Variants in INTS6L observed in about 807,000 individuals in gnomAD.
The protein encoded by INTS6L is integrator complex subunit 6-like.
A neutral mutation model predicts 64.7 loss-of-function variants in INTS6L; 18 were observed. The observed-to-expected ratio is 0.28, with a 90% confidence interval of 0.19 to 0.41. The LOEUF (loss-of-function observed/expected upper bound fraction) is 0.41, where lower values mean the gene tolerates loss of function less well. INTS6L is among the 10% of genes least tolerant of loss of function. The pLI, the probability that INTS6L is intolerant of heterozygous loss-of-function variation, is 1.00. For synonymous variants in INTS6L, 227 were observed against 235.9 expected, an observed-to-expected ratio of 0.96 and a Z score of 0.34; for missense variants, 533 against 661.0, an observed-to-expected ratio of 0.81 and a Z score of 2.12.
chrX:135,581,003 C>A, intron 16 of INTS6L, 47 bp from the exon 17 acceptor site: 2 of 891,666 alleles, frequency 2.2e-6, no homozygotes, highest in Non-Finnish European at 3.0e-6. Context: ...AATTTTATTT[C>A]CCATTCATCT....
chrX:135,531,557 A>G (rs1347095992), intron 2 of INTS6L, among the ~76,000 whole-genome samples: 1 of 111,691 alleles, frequency 9.0e-6, no homozygotes, highest in African/African-American at 3.3e-5. Flanking sequence ...CTTTGACTCA[A>G]TTTCTGTTGC....
intron 7 of INTS6L, among the ~76,000 whole-genome samples, chrX:135,550,602 A>G (rs1251043750): frequency 9.0e-6 from 1 of 111,497 alleles, no homozygotes; most frequent in Non-Finnish European, 1.9e-5. Flanking sequence ...TCTATTTAAC[A>G]TCTTCCTAGT....
At chrX:135,551,900 A>G in intron 7 of INTS6L, 94 bp from the exon 8 acceptor site, 9 of 842,141 alleles carry the variant, frequency 1.1e-5, no homozygotes, top group African/African-American at 6.2e-5. Context: ...TGAAAATGTA[A>G]CAAAATATAA....
intron 8 of INTS6L, among the ~76,000 whole-genome samples, chrX:135,555,017 G>A (rs782559313): frequency 5.7e-5 from 6 of 104,933 alleles, no homozygotes; most frequent in Admixed American, 5.4e-4. Flanking sequence ...AGCCTCTTGA[G>A]TAGCTGGGAT....
chrX:135,540,316 C>G (rs781997886), intron 2 of INTS6L, among the ~76,000 whole-genome samples: 154 of 111,775 alleles, frequency 1.4e-3, no homozygotes, highest in African/African-American at 4.8e-3. Context: ...AGTAACAGCA[C>G]CTACCCAGAG....
At chrX:135,577,808 G>GA (rs1556531939) in intron 15 of INTS6L, among the ~76,000 whole-genome samples, 1 of 111,995 alleles carries the variant, frequency 8.9e-6, no homozygotes, top group Non-Finnish European at 1.9e-5. Flanking sequence ...CTGGCAGTAG[G>GA]AGCAAGTGGA....
intron 8 of INTS6L, among the ~76,000 whole-genome samples, chrX:135,554,883 C>CTTTTTTTTTTTTTTTTT (rs35845600): frequency 2.0e-5 from 1 of 50,472 alleles, no homozygotes. Flanking sequence ...ACCAGCATAA[C>CTTTTTTTTTTTTTTTTT]TTTTTTTTTT....
rs781907066 is a variant in INTS6L, at chrX:135,570,551, T to A, written c.1398+5T>A. 8.7e-7 allele frequency: 1 copy of A among 1,151,593 alleles called. No individual in the cohort carries two copies. The highest frequency in any genetic ancestry group is 1.8e-5 in the African/African-American group (1 of 55,777). The allele number at this position is 1,151,593 out of a possible 1,213,427, so 94.9% of individuals were successfully genotyped here. On this transcript the variant is annotated splice_donor_5th_base_variant and intron_variant, in intron 11 of 17. Transcript: ENST00000639893. Reference sequence around the variant, plus strand: ...CTTAAAAAACTCAGCCAACAGGTAGTATTGGTAAAAACAAACAAACAAAAA... The same window carrying A: ...CTTAAAAAACTCAGCCAACAGGTAGAATTGGTAAAAACAAACAAACAAAAA...
At chrX:135,577,499 T>C in intron 15 of INTS6L, 72 bp downstream of exon 15, 1 of 998,615 alleles carries the variant, frequency 1.0e-6, no homozygotes, top group Non-Finnish European at 1.4e-6. Context: ...TATTTCCCTT[T>C]TTGTGTTCCT....
intron 12 of INTS6L, 108 bp downstream of exon 12, chrX:135,573,141 G>A: frequency 1.5e-6 from 1 of 688,985 alleles, no homozygotes; most frequent in Non-Finnish European, 2.2e-6. Context: ...TTTGGAGTTA[G>A]TAGTTAATAA....
intron 12 of INTS6L, 141 bp downstream of exon 12, chrX:135,573,174 G>A: frequency 2.0e-6 from 1 of 511,235 alleles, no homozygotes; most frequent in South Asian, 3.5e-5. Flanking sequence ...GGAATTGTCA[G>A]CAGATATCAA....
In INTS6L at chrX:135,581,538, C is replaced by T; in HGVS notation, c.2599C>T (p.Arg867Ter). The part of the protein sequence containing the change: ...TIKEAARFKR[R>*]VLIQYLEKVL... ...TCTCTTTATTTTCAGGTTTAAAAGA[C>T]GAGTCCTAATTCAGTACCTTGAGAA... Residue 867 changes from arginine to a stop codon, truncating the protein, a stop_gained, in exon 18 of 18, where the codon CGA (arginine) becomes TGA (stop). Transcript: ENST00000639893. LOFTEE classifies it high-confidence loss of function. The T allele has an allele frequency of 8.3e-7, 1 of 1,198,079 alleles. No individual in the cohort carries two copies. The highest frequency in any genetic ancestry group is 1.1e-6 in the Non-Finnish European group (1 of 888,130).
intron 9 of INTS6L, among the ~76,000 whole-genome samples, chrX:135,566,950 G>A (rs782522635): frequency 1.8e-5 from 2 of 112,174 alleles, no homozygotes; most frequent in East Asian, 2.8e-4. Context: ...GAGAATAGAA[G>A]CAGGATACTT....
At chrX:135,575,041 G>A (rs1456175808) in intron 13 of INTS6L, 43 bp from the exon 14 acceptor site, 42 of 1,195,902 alleles carry the variant, frequency 3.5e-5, no homozygotes, top group Non-Finnish European at 4.6e-5. Flanking sequence ...AGGACCATAC[G>A]CTTCAGCTAT....
chrX:135,560,570 C>T (rs781902115), intron 9 of INTS6L, among the ~76,000 whole-genome samples: 6 of 111,904 alleles, frequency 5.4e-5, no homozygotes, highest in East Asian at 2.8e-4. Context: ...TGGCTGGGTG[C>T]GGTGGCTCAC....
intron 15 of INTS6L, among the ~76,000 whole-genome samples, chrX:135,578,466 G>A (rs781874943): frequency 9.0e-6 from 1 of 111,678 alleles, no homozygotes; most frequent in East Asian, 2.8e-4. Context: ...CTAGATTGTA[G>A]TGTTTGCAGA....
intron 2 of INTS6L, among the ~76,000 whole-genome samples, chrX:135,526,220 T>C (rs1198128655): frequency 9.0e-6 from 1 of 111,263 alleles, no homozygotes; most frequent in African/African-American, 3.3e-5. Context: ...ACTGATTCCT[T>C]CCCGTCATTG....
intron 2 of INTS6L, among the ~76,000 whole-genome samples, chrX:135,537,305 A>G (rs182134496): frequency 8.9e-6 from 1 of 112,213 alleles, no homozygotes; most frequent in Admixed American, 9.4e-5. Context: ...TTAGTTGACT[A>G]TGGAAACTTA....
At chrX:135,527,553 T>C (rs2085775181) in intron 2 of INTS6L, among the ~76,000 whole-genome samples, 1 of 112,028 alleles carries the variant, frequency 8.9e-6, no homozygotes, top group South Asian at 3.7e-4. Context: ...ACTCTGAGAA[T>C]CTGGTGTGTC....
Sources: gnomAD v4.1 joint callset for allele counts (sites outside exome capture counted in the v4.1 genomes callset) on GRCh38, gnomAD v4.1.1 for gene constraint, MANE v1.5 for transcripts, NCBI Gene and HGNC (gene_info 2026-07-23, HGNC 2026-07-21) for gene names.